The following NOTCH1 variants were observed in gnomAD, a reference collection of about 807,000 sequenced individuals.
NOTCH1 encodes notch receptor 1, also known as neurogenic locus notch homolog protein 1.
NOTCH1 carries 37 observed loss-of-function variants against 254.8 expected under a neutral mutation model. The ratio of observed to expected loss-of-function variants is 0.15; its 90% CI spans 0.11 to 0.19. The LOEUF is 0.19. Ranked by LOEUF, NOTCH1 falls within the 10% of genes least tolerant of loss-of-function variation. The pLI, the probability that NOTCH1 is intolerant of heterozygous loss-of-function variation, is 1.00. For missense variants in NOTCH1, 2,972 were observed against 3,708.6 expected, an observed-to-expected ratio of 0.80 and a Z score of 5.16; for synonymous variants, 1,731 against 1,618.1, an observed-to-expected ratio of 1.07 and a Z score of -1.68.
At chr9:136,500,202 G>C (rs1842974362) in intron 31 of NOTCH1, among the ~76,000 whole-genome samples, 1 of 152,218 alleles carries the variant, frequency 6.6e-6, no homozygotes, top group Admixed American at 6.5e-5. Flanking sequence ...GGTTGAGGGA[G>C]GGGCGGGGCT....
chr9:136,498,300 C>A (rs1421467094), intron 33 of NOTCH1, among the ~76,000 whole-genome samples: 1 of 151,770 alleles, frequency 6.6e-6, no homozygotes, highest in Non-Finnish European at 1.5e-5. Context: ...CCCTGAGCAC[C>A]CAGGGGAAAC....
At chr9:136,510,105 G>T in intron 17 of NOTCH1, 144 bp from the exon 18 acceptor site, 1 of 773,958 alleles carries the variant, frequency 1.3e-6, no homozygotes, top group Non-Finnish European at 2.2e-6. Flanking sequence ...AAGGTGTCTG[G>T]TGGGGAGCCC....
chr9:136,539,454 T>A (rs780776603), intron 2 of NOTCH1, among the ~76,000 whole-genome samples: 1 of 152,210 alleles, frequency 6.6e-6, no homozygotes, highest in Non-Finnish European at 1.5e-5. Flanking sequence ...AGTGGCACGA[T>A]CTCAGCTCAC....
Position 136,522,830 on chromosome 9 carries a change from C to A in NOTCH1, c.742+20G>T. ...CAGCCGGGGAGGGGCTCGTGCACCC[C>A]GGCCAGCGGGCAGCACTACCTGGCA... On this transcript the variant is annotated intron_variant, in intron 4 of 33. Transcript: ENST00000651671. 1 of 1,464,460 alleles carries A rather than the reference C, an allele frequency of 6.8e-7. No homozygotes were observed. Among genetic ancestry groups the A allele is most frequent in the South Asian group, 1.4e-5 (1 of 72,162 alleles). 90.7% of individuals were successfully genotyped at this position (1,464,460 alleles called of 1,614,324 possible).
chr9:136,515,761 G>A (rs1182157762), intron 10 of NOTCH1, 45 bp from the exon 11 acceptor site: 2 of 1,504,260 alleles, frequency 1.3e-6, no homozygotes, highest in Non-Finnish European at 8.9e-7. Flanking sequence ...AGGACTGGCG[G>A]CCCCCGGGAC....
chr9:136,512,316 G>A (rs935808520), intron 15 of NOTCH1, among the ~76,000 whole-genome samples: 6 of 152,158 alleles, frequency 3.9e-5, no homozygotes, highest in Admixed American at 2.0e-4. Context: ...CCTCCAGCCC[G>A]GCTGCCTGGC....
At chr9:136,522,608 C>T (rs1043144279) in intron 4 of NOTCH1, 46 of 523,348 alleles carry the variant, frequency 8.8e-5, no homozygotes, top group Non-Finnish European at 3.3e-5. Context: ...ATGTGAGTTC[C>T]GGGAAACTCC....
chr9:136,527,126 C>T lies in NOTCH1; in HGVS notation c.141-3147G>A, dbSNP rs12555769. On this transcript the variant is annotated intron_variant, in intron 2 of 33. Coordinates refer to ENST00000651671, the MANE Select transcript of NOTCH1 (RefSeq NM_017617.5). The stretch of plus-strand genomic sequence containing the variant: ...GGGGGCAGCTTTGGGCCCAGTCTCC[C>T]GCTGCTGCTGTGGGCAGCCTCCAGC... 3.6e-3 allele frequency among the ~76,000 whole-genome samples: 541 copies of T among 152,312 alleles called. 5 individuals carry two copies. The highest frequency in any genetic ancestry group is 0.018 in the Admixed American group (279 of 15,302).
At chr9:136,533,554 C>T (rs912150197) in intron 2 of NOTCH1, among the ~76,000 whole-genome samples, 29 of 152,186 alleles carry the variant, frequency 1.9e-4, no homozygotes, top group African/African-American at 6.8e-4. Context: ...TGTGCCCACT[C>T]GACGGCCCGG....
chr9:136,514,780 G>T, intron 12 of NOTCH1, 78 bp from the exon 13 acceptor site: 1 of 1,413,712 alleles, frequency 7.1e-7, no homozygotes, highest in Non-Finnish European at 9.8e-7. Context: ...TTCCCTGTCT[G>T]TTGAGCCGGG....
At chr9:136,528,848 C>T (rs1229822697) in intron 2 of NOTCH1, among the ~76,000 whole-genome samples, 2 of 152,118 alleles carry the variant, frequency 1.3e-5, no homozygotes, top group African/African-American at 2.4e-5. Flanking sequence ...GGGTCTTCTC[C>T]CCAGACACCC....
chr9:136,505,467 C>T lies in NOTCH1; in HGVS notation c.4429G>A (p.Gly1477Ser), dbSNP rs1229508084. 2.5e-6 allele frequency: 4 copies of T among 1,612,844 alleles called. No individual in the cohort carries two copies. The highest frequency in any genetic ancestry group is 2.2e-5 in the East Asian group (1 of 44,882). Residue 1477 changes from glycine (G) to serine (S), a missense_variant, in exon 25 of 34, where the codon GGT becomes AGT. Physicochemically the swap from Gly to Ser is moderately conservative, Grantham distance 56 (BLOSUM62 0). Coordinates refer to ENST00000651671, the MANE Select transcript of NOTCH1 (RefSeq NM_017617.5). ...CNNHACGWDG[G>S]DCSLNFNDPW... Reference sequence around the variant, plus strand: ...TCATTGAAGTTGAGGGAGCAGTCACCGCCGTCCCAGCCGCACGCGTGGTTG... The same window carrying T: ...TCATTGAAGTTGAGGGAGCAGTCACTGCCGTCCCAGCCGCACGCGTGGTTG...
At position 136,495,134 on chromosome 9, in the gene NOTCH1, G is replaced by A. The variant is rs1018585347; in HGVS notation, c.*937C>T. ...GACACTGTGCAGGCTGAGGTGCTGG[G>A]GCCGCCACCGGGGTCAGCCCAGGCA... is the stretch of plus-strand genomic sequence containing the variant. On this transcript the variant is annotated 3_prime_UTR_variant, in exon 34 of 34. Transcript: ENST00000651671. 2.0e-5 allele frequency: 8 copies of A among 398,986 alleles called. No homozygotes were observed. Among genetic ancestry groups the A allele is most frequent in the Admixed American group, 4.4e-5 (1 of 22,724 alleles). The allele number at this position is 398,986 out of a possible 1,614,324, so 24.7% of individuals were successfully genotyped here.
rs559821364 is a variant in NOTCH1 at position 136,514,896 on chromosome 9, T to TCCCAGGGGC, written c.2015-203_2015-195dup. 7.2e-5 allele frequency among the ~76,000 whole-genome samples: 11 copies of TCCCAGGGGC among 152,274 alleles called. No individual in the cohort carries two copies. The East Asian group carries it at 1.9e-3, about 27-fold the overall frequency. ...GCACCAGTGCCCACTCAAGTCATCC[T>TCCCAGGGGC]CCCAGGGGCCCCAGGGGCAGGGGCT... On this transcript the variant is annotated intron_variant, in intron 12 of 33. Coordinates refer to ENST00000651671, the MANE Select transcript of NOTCH1 (RefSeq NM_017617.5).
intron 3 of NOTCH1, 128 bp from the exon 4 acceptor site, chr9:136,523,316 A>C: frequency 2.0e-6 from 2 of 993,154 alleles, no homozygotes; most frequent in Non-Finnish European, 3.1e-6. Context: ...TTTGATCCTC[A>C]GGACCTGCCG....
intron 15 of NOTCH1, 93 bp downstream of exon 15, chr9:136,512,918 TGGCCCCACCC>T: frequency 1.2e-5 from 1 of 83,326 alleles, no homozygotes; most frequent in Non-Finnish European, 2.5e-5. Flanking sequence ...CCCCCACCCC[TGGCCCCACCC>T]TCTCCAGCAC....
chr9:136,519,426 G>A lies in NOTCH1; in HGVS notation c.865+17C>T, dbSNP rs923297150. 1.2e-6 allele frequency: 2 copies of A among 1,612,396 alleles called. No individual in the cohort carries two copies. Among genetic ancestry groups the A allele is most frequent in the Non-Finnish European group, 1.7e-6 (2 of 1,179,900 alleles). On this transcript the variant is annotated intron_variant, in intron 5 of 33. Transcript: ENST00000651671. ...CCCGCCCCGGCTACCCCGCCCTGCG[G>A]CGACCCGTATACGCGCCTGTCCACT...
At chr9:136,525,598 C>T (rs1006523692) in intron 2 of NOTCH1, among the ~76,000 whole-genome samples, 3 of 152,206 alleles carry the variant, frequency 2.0e-5, no homozygotes, top group African/African-American at 4.8e-5. Flanking sequence ...TGCGGGGCTG[C>T]GGCGGCCGCC....
chr9:136,508,625 C>T (rs1843127555), intron 19 of NOTCH1, among the ~76,000 whole-genome samples: 1 of 152,242 alleles, frequency 6.6e-6, no homozygotes, highest in African/African-American at 2.4e-5. Flanking sequence ...AACACTTTTC[C>T]TCAATTCCCC....
Sources: allele counts gnomAD v4.1 joint callset (sites outside exome capture counted in the v4.1 genomes callset), GRCh38; gene constraint gnomAD v4.1.1; transcripts MANE v1.5; gene names NCBI Gene and HGNC (gene_info 2026-07-23, HGNC 2026-07-21).